The following FMN1 variants were observed in gnomAD, a reference collection of about 807,000 sequenced individuals.
The protein encoded by FMN1 is formin 1, also known as formin-1.
Under a neutral mutation model 132.4 loss-of-function variants are expected in FMN1, and 110 were observed. The observed-to-expected ratio is 0.83, with a 90% CI of 0.71 to 0.97. FMN1 has a LOEUF of 0.97. FMN1 is among the 50% of genes least tolerant of loss of function. FMN1 has a pLI of 0.00. For synonymous variants in FMN1, 722 were observed against 651.7 expected, an observed-to-expected ratio of 1.11 and a Z score of -1.64; for missense variants, 1,792 against 1,705.3, an observed-to-expected ratio of 1.05 and a Z score of -0.90.
chr15:32,897,685 G>C (rs971085963), intron 15 of FMN1, among the ~76,000 whole-genome samples: 1 of 152,172 alleles, frequency 6.6e-6, no homozygotes, highest in African/African-American at 2.4e-5. Flanking sequence ...GTTTTGAGTA[G>C]AAAAGCAATA....
intron 6 of FMN1, among the ~76,000 whole-genome samples, chr15:33,043,638 G>A (rs1413404491): frequency 6.6e-6 from 1 of 152,246 alleles, no homozygotes; most frequent in Non-Finnish European, 1.5e-5. Context: ...GCACCCAGGA[G>A]TACTGTGTAA....
Position 33,067,509 on chromosome 15 carries a change from T to C in FMN1, c.2044-2435A>G, listed in dbSNP as rs757690265. On this transcript the variant is annotated intron_variant, in intron 5 of 20. Transcript: ENST00000616417. ...ACATCGTCTTTTGTCCCTTTCAAAG[T>C]AGACAGTGGAAGCAGCTCTTGAGCA... is the stretch of plus-strand genomic sequence containing the variant. 6.8e-6 allele frequency: 11 copies of C among 1,613,864 alleles called. No individual in the cohort carries two copies. In the Admixed American group the frequency reaches 1.7e-4, roughly 24 times the overall value.
At chr15:32,782,459 G>T (rs2056696200) in intron 19 of FMN1, among the ~76,000 whole-genome samples, 1 of 152,158 alleles carries the variant, frequency 6.6e-6, no homozygotes, top group Admixed American at 6.5e-5. Context: ...CAAGGAAAAA[G>T]AAAAGATACT....
At chr15:32,930,438 C>T (rs550089592) in intron 9 of FMN1, among the ~76,000 whole-genome samples, 3 of 150,848 alleles carry the variant, frequency 2.0e-5, no homozygotes, top group African/African-American at 7.3e-5. Flanking sequence ...AGTGGCCATT[C>T]TGACACGTGT....
intron 19 of FMN1, among the ~76,000 whole-genome samples, chr15:32,786,586 C>CCAAGCA (rs1195784808): frequency 2.0e-5 from 3 of 152,136 alleles, no homozygotes; most frequent in Admixed American, 1.3e-4. Flanking sequence ...TCACATCAGG[C>CCAAGCA]CAAGGCACAA....
chr15:33,081,917 C>T (rs2038476659), intron 5 of FMN1, among the ~76,000 whole-genome samples: 1 of 152,062 alleles, frequency 6.6e-6, no homozygotes, highest in Non-Finnish European at 1.5e-5. Context: ...CTTTGTCTTC[C>T]CCAGACAATT....
chr15:33,033,312 G>C (rs991596287), intron 6 of FMN1, among the ~76,000 whole-genome samples: 1 of 152,204 alleles, frequency 6.6e-6, no homozygotes, highest in Non-Finnish European at 1.5e-5. Context: ...TTACAGGCGT[G>C]AGCCACCACG....
At chr15:32,950,000 TAC>T (rs1277283079) in intron 9 of FMN1, among the ~76,000 whole-genome samples, 1 of 20,602 alleles carries the variant, frequency 4.9e-5, no homozygotes, top group African/African-American at 2.6e-4. Flanking sequence ...TATATACACA[TAC>T]ACATATATAT....
chr15:32,869,983 G>A (rs1020774855), intron 16 of FMN1, among the ~76,000 whole-genome samples: 1 of 152,182 alleles, frequency 6.6e-6, no homozygotes, highest in Non-Finnish European at 1.5e-5. Flanking sequence ...AAGAAGTTAA[G>A]CTACAGAAAG....
At chr15:33,109,092 C>G (rs1437295492) in intron 4 of FMN1, among the ~76,000 whole-genome samples, 1 of 152,078 alleles carries the variant, frequency 6.6e-6, no homozygotes, top group African/African-American at 2.4e-5. Flanking sequence ...CTCCCAAAAG[C>G]AAGGAAGGCA....
intron 19 of FMN1, among the ~76,000 whole-genome samples, chr15:32,784,041 G>A (rs1252896720): frequency 6.6e-6 from 1 of 152,156 alleles, no homozygotes; most frequent in African/African-American, 2.4e-5. Context: ...TATGAAGTTT[G>A]TAATAACAGA....
chr15:33,090,083 C>G (rs10519788), intron 4 of FMN1, among the ~76,000 whole-genome samples: 44,286 of 152,156 alleles, frequency 0.29, 7,339 homozygotes, highest in Admixed American at 0.37. Flanking sequence ...TCATACAGCA[C>G]TCAAGTTCCT....
chr15:33,092,677 A>G (rs574686952), intron 4 of FMN1, among the ~76,000 whole-genome samples: 1 of 152,314 alleles, frequency 6.6e-6, no homozygotes, highest in South Asian at 2.1e-4. Context: ...CTCCCAGGCC[A>G]GTACGTAAAA....
chr15:32,876,305 G>C (rs1055813883), intron 16 of FMN1, among the ~76,000 whole-genome samples: 6 of 152,172 alleles, frequency 3.9e-5, no homozygotes, highest in Admixed American at 1.3e-4. Context: ...AAGTTTTAAT[G>C]AAAGAAGCTA....
chr15:33,070,287 G>T (rs867282754), intron 5 of FMN1, among the ~76,000 whole-genome samples: 12 of 151,666 alleles, frequency 7.9e-5, no homozygotes, highest in Non-Finnish European at 1.8e-4. Context: ...TTACAGGCAT[G>T]AGCCACCGCG....
rs375395986 is a variant in FMN1 at position 32,929,223 on chromosome 15, T to C, written c.3139-2962A>G. 1.8e-4 allele frequency among the ~76,000 whole-genome samples: 28 copies of C among 152,346 alleles called. No individual in the cohort carries two copies. The East Asian group carries it at 3.3e-3, about 18-fold the overall frequency. On this transcript the variant is annotated intron_variant, in intron 9 of 20. Transcript: ENST00000616417. ...TATTCTCTTCCCTACCTGAACCAAA[T>C]TCTCTGTCTACTTTTAAGTAAATTT...
intron 9 of FMN1, among the ~76,000 whole-genome samples, chr15:32,957,295 GTTCT>G (rs1323735851): frequency 6.7e-5 from 5 of 74,156 alleles, no homozygotes; most frequent in African/African-American, 1.7e-4. Flanking sequence ...TATCAGAGCA[GTTCT>G]TTTTTTTTTT....
intron 7 of FMN1, among the ~76,000 whole-genome samples, chr15:32,980,322 A>C (rs2032553903): frequency 6.6e-6 from 1 of 151,564 alleles, no homozygotes; most frequent in Non-Finnish European, 1.5e-5. Flanking sequence ...AAAAAAAAAC[A>C]AAAACCTAAA....
chr15:33,078,648 A>T (rs1007840054), intron 5 of FMN1, among the ~76,000 whole-genome samples: 1 of 151,868 alleles, frequency 6.6e-6, no homozygotes, highest in Non-Finnish European at 1.5e-5. Context: ...AGGCAACAAA[A>T]AAAAAAAAAC....
Sources: allele counts gnomAD v4.1 joint callset (sites outside exome capture counted in the v4.1 genomes callset), GRCh38; gene constraint gnomAD v4.1.1; transcripts MANE v1.5; gene names NCBI Gene and HGNC (gene_info 2026-07-23, HGNC 2026-07-21).